MMRN1: variants seen among roughly 807,000 people sequenced by gnomAD.
MMRN1 encodes multimerin-1.
MMRN1 carries 94 observed loss-of-function variants against 100.7 expected under a neutral mutation model. The ratio of observed to expected loss-of-function variants is 0.93; its 90% CI spans 0.79 to 1.11. The LOEUF is 1.11. Among genes scored for constraint, MMRN1 ranks in the 50% least tolerant of loss-of-function variants. MMRN1 has a pLI of 0.00. For synonymous variants in MMRN1, 575 were observed against 505.0 expected, an observed-to-expected ratio of 1.14 and a Z score of -1.86; for missense variants, 1,606 against 1,439.1, an observed-to-expected ratio of 1.12 and a Z score of -1.88.
At chr4:89,950,773 G>C (rs146430136) in intron 6 of MMRN1, among the ~76,000 whole-genome samples, 3 of 151,786 alleles carry the variant, frequency 2.0e-5, no homozygotes, top group East Asian at 1.9e-4. Context: ...TGCTCAGGCT[G>C]GTCTCAAACA....
In MMRN1 at chr4:89,926,166, A is replaced by G. The variant is rs115110067; in HGVS notation, c.956-1629A>G. 9.6e-3 allele frequency among the ~76,000 whole-genome samples: 1,469 copies of G among 152,276 alleles called. 26 individuals carry two copies. Among genetic ancestry groups the G allele is most frequent in the African/African-American group, 0.033 (1,353 of 41,568 alleles). On this transcript the variant is annotated intron_variant, in intron 4 of 7. Transcript: ENST00000264790. ...CGTGGAAGTGGGATTGCTAGATCAT[A>G]TGGTAGCTCTATTTTTAGTTTTTGA...
At chr4:89,898,708 C>T (rs547338869) in intron 1 of MMRN1, among the ~76,000 whole-genome samples, 1 of 152,088 alleles carries the variant, frequency 6.6e-6, no homozygotes, top group Admixed American at 6.6e-5. Context: ...CCTGTCTGCC[C>T]CTGTGACTAA....
intron 3 of MMRN1, among the ~76,000 whole-genome samples, chr4:89,914,569 G>A (rs1261856328): frequency 1.3e-5 from 2 of 151,448 alleles, no homozygotes; most frequent in East Asian, 3.9e-4. Context: ...CAACATCAAA[G>A]TAATAGTTCT....
chr4:89,953,152 T>C lies in MMRN1; in HGVS notation c.3421T>C (p.Tyr1141His). ...AAGAACTGGAAAATTTAGAATTCCG[T>C]ATCTTGGAGTATATGTTTTCAAGTA... ...TPRTGKFRIP[Y>H]LGVYVFKYTI... is the part of the protein sequence containing the mutation. The change falls in exon 8 of 8, where the codon TAT becomes CAT. Residue 1141 changes from tyrosine (Y) to histidine (H), a missense_variant. Physicochemically the swap from Tyr to His is moderately conservative, Grantham distance 83. Coordinates refer to ENST00000264790, the MANE Select transcript of MMRN1 (RefSeq NM_007351.3). The C allele has an allele frequency of 6.2e-7, 1 of 1,613,832 alleles. No individual in the cohort carries two copies.
chr4:89,887,133 A>T lies in MMRN1; in HGVS notation c.-249+7531A>T, dbSNP rs11937068. On this transcript the variant is annotated intron_variant, in intron 1 of 8. Transcript: ENST00000394980. ...GTTTTTGAAGCCTTTGTCAAAAATT[A>T]TTGATGAAAGCAGTTGAAGGCGACA... Among the ~76,000 whole-genome samples, 1,040 of 152,164 alleles carry T rather than the reference A, an allele frequency of 6.8e-3. 11 individuals are homozygous for T. The highest frequency in any genetic ancestry group is 0.024 in the African/African-American group (1,002 of 41,540).
upstream of MMRN1, chr4:89,894,807 C>T (rs112114266): frequency 4.4e-4 from 561 of 1,275,206 alleles, 1 homozygote; most frequent in Middle Eastern, 5.7e-4. Context: ...AACAGGAAAC[C>T]GAACTTCCTG....
chr4:89,911,878 T>C, intron 2 of MMRN1, 66 bp from the exon 3 acceptor site: 1 of 1,120,514 alleles, frequency 8.9e-7, no homozygotes. Flanking sequence ...TTTACATTTA[T>C]TATTCCGGCT....
intron 1 of MMRN1, among the ~76,000 whole-genome samples, chr4:89,907,895 A>T: frequency 7.0e-6 from 1 of 143,010 alleles, no homozygotes. Context: ...GCTTTTTCTC[A>T]TAGTTAGTTT....
rs374559991 is a variant in MMRN1, at chr4:89,948,283, A to G, written c.3119-3322A>G. Among the ~76,000 whole-genome samples the G allele has an allele frequency of 4.6e-5, 7 of 152,010 alleles. No homozygotes were observed. The East Asian group carries it at 5.8e-4, about 13-fold the overall frequency. The stretch of plus-strand genomic sequence containing the variant: ...CTAATCCATCAGGTATTTTTTTTCT[A>G]GTACGTATTTTTATCGATAACTTGG... On this transcript the variant is annotated intron_variant, in intron 6 of 7. Coordinates refer to ENST00000264790, the MANE Select transcript of MMRN1 (RefSeq NM_007351.3).
intron 1 of MMRN1, among the ~76,000 whole-genome samples, chr4:89,905,248 T>C (rs1231266938): frequency 1.3e-5 from 2 of 151,320 alleles, no homozygotes; most frequent in South Asian, 2.1e-4. Flanking sequence ...CCATTAGTAA[T>C]GGTCAAACAG....
chr4:89,937,283 T>C (rs1722677424), intron 6 of MMRN1, among the ~76,000 whole-genome samples: 1 of 152,010 alleles, frequency 6.6e-6, no homozygotes, highest in Non-Finnish European at 1.5e-5. Context: ...GCTAAGTACT[T>C]AGACATGATT....
chr4:89,912,370 A>AT (rs1721782813), intron 3 of MMRN1, among the ~76,000 whole-genome samples: 2 of 151,376 alleles, frequency 1.3e-5, no homozygotes, highest in Non-Finnish European at 3.0e-5. Context: ...CTAATTTTCA[A>AT]TTTTTAAATA....
intron 1 of MMRN1, among the ~76,000 whole-genome samples, chr4:89,889,425 G>T (rs1721002373): frequency 6.6e-6 from 1 of 152,078 alleles, no homozygotes; most frequent in Non-Finnish European, 1.5e-5. Flanking sequence ...CCCCAGCCCA[G>T]TATCCACTGC....
Position 89,935,941 on chromosome 4 carries a change from C to T in MMRN1, c.2261C>T (p.Thr754Ile). Reference protein sequence around the residue: ...DNYALKETLSTIKDNSEIHHK... With the variant: ...DNYALKETLSIIKDNSEIHHK... ...TATGCCCTAAAAGAGACTTTAAGTACTATTAAGGATAATAGTGAGATCCAT... is the reference window on the plus strand; with the variant it reads ...TATGCCCTAAAAGAGACTTTAAGTATTATTAAGGATAATAGTGAGATCCAT... The change falls in exon 6 of 8, where the codon ACT (threonine) becomes ATT (isoleucine). Residue 754 changes from threonine (T) to isoleucine (I), a missense_variant. By Grantham distance (89) the Thr-to-Ile change is moderately conservative. Transcript: ENST00000264790. 1 of 1,610,432 alleles carries T rather than the reference C, an allele frequency of 6.2e-7. No individual in the cohort carries two copies. The highest frequency in any genetic ancestry group is 1.1e-5 in the South Asian group (1 of 90,482).
chr4:89,919,739 A>G (rs1004587758), intron 3 of MMRN1, among the ~76,000 whole-genome samples: 2 of 152,066 alleles, frequency 1.3e-5, no homozygotes, highest in Non-Finnish European at 2.9e-5. Context: ...ATTCATACTC[A>G]AGATACCCGA....
chr4:89,926,315 G>A (rs544720997), intron 4 of MMRN1, among the ~76,000 whole-genome samples: 8 of 152,266 alleles, frequency 5.3e-5, no homozygotes, highest in Admixed American at 4.6e-4. Flanking sequence ...TTGGATATAA[G>A]CCATTTTAAC....
intron 6 of MMRN1, among the ~76,000 whole-genome samples, chr4:89,943,762 T>A (rs1222787490): frequency 6.6e-6 from 1 of 152,078 alleles, no homozygotes; most frequent in Admixed American, 6.6e-5. Context: ...GGCTAAGGTG[T>A]GCAGATCACT....
chr4:89,919,166 A>G (rs1425239137), intron 3 of MMRN1, among the ~76,000 whole-genome samples: 3 of 151,454 alleles, frequency 2.0e-5, no homozygotes, highest in Non-Finnish European at 3.0e-5. Context: ...TTATTTTTAA[A>G]TGCTCTTATT....
chr4:89,884,261 T>C (rs373203837), intron 1 of MMRN1, among the ~76,000 whole-genome samples: 71 of 152,272 alleles, frequency 4.7e-4, no homozygotes, highest in East Asian at 2.9e-3. Flanking sequence ...TTAATTAATA[T>C]TGTATTGAAG....
Sources: allele counts gnomAD v4.1 joint callset (sites outside exome capture counted in the v4.1 genomes callset), GRCh38; gene constraint gnomAD v4.1.1; transcripts MANE v1.5; gene names NCBI Gene and HGNC (gene_info 2026-07-23, HGNC 2026-07-21).